The following MLLT3 variants were observed in gnomAD, a reference collection of about 807,000 sequenced individuals.
The protein encoded by MLLT3 is protein AF-9.
MLLT3 carries 4 observed loss-of-function variants against 53.2 expected under a neutral mutation model. The observed-to-expected ratio is 0.08, with a 90% CI of 0.04 to 0.17. The LOEUF is 0.17. Ranked by LOEUF, MLLT3 falls within the 10% of genes least tolerant of loss-of-function variation. MLLT3 has a pLI of 1.00. For synonymous variants in MLLT3, 283 were observed against 230.6 expected, an observed-to-expected ratio of 1.23 and a Z score of -2.06; for missense variants, 569 against 684.0, an observed-to-expected ratio of 0.83 and a Z score of 1.87.
At chr9:20,515,982 T>C (rs939605905) in intron 2 of MLLT3, among the ~76,000 whole-genome samples, 3 of 152,236 alleles carry the variant, frequency 2.0e-5, no homozygotes, top group Non-Finnish European at 4.4e-5. Context: ...TTACTAGACA[T>C]GTTATATTGT....
intron 5 of MLLT3, among the ~76,000 whole-genome samples, chr9:20,369,361 A>G (rs1821535980): frequency 6.6e-6 from 1 of 152,210 alleles, no homozygotes; most frequent in Admixed American, 6.5e-5. Flanking sequence ...CCTTAAACAC[A>G]CACACAAAAA....
chr9:20,487,974 A>G (rs897544517), intron 2 of MLLT3, among the ~76,000 whole-genome samples: 1 of 152,118 alleles, frequency 6.6e-6, no homozygotes, highest in Admixed American at 6.6e-5. Flanking sequence ...TATATTCCAA[A>G]TGTTCAAATC....
At position 20,365,402 on chromosome 9, in the gene MLLT3, C is replaced by T. The variant is rs546923531; in HGVS notation, c.1201+267G>A. On this transcript the variant is annotated intron_variant, in intron 6 of 10. Transcript: ENST00000380338. ...TCACCCAGGCTGGAGTGCAGTGGCG[C>T]GATCTCAGCTCACTGCAACTTCCGC... Among the ~76,000 whole-genome samples the T allele has an allele frequency of 1.4e-3, 212 of 152,164 alleles. 1 individual carries two copies. The highest frequency in any genetic ancestry group is 4.6e-3 in the African/African-American group (191 of 41,516).
intron 2 of MLLT3, among the ~76,000 whole-genome samples, chr9:20,594,762 T>C (rs1216935683): frequency 6.6e-6 from 1 of 152,200 alleles, no homozygotes; most frequent in Non-Finnish European, 1.5e-5. Context: ...ATGCTAATTA[T>C]AACGCATTAG....
At chr9:20,582,681 T>G (rs1222311976) in intron 2 of MLLT3, among the ~76,000 whole-genome samples, 2 of 152,118 alleles carry the variant, frequency 1.3e-5, no homozygotes, top group Non-Finnish European at 2.9e-5. Context: ...ACTTCTTACA[T>G]GGCAGCAGCA....
chr9:20,565,451 G>A (rs1409751771), intron 2 of MLLT3, among the ~76,000 whole-genome samples: 1 of 151,956 alleles, frequency 6.6e-6, no homozygotes. Context: ...TGGACCCAAG[G>A]ACCTAATTGT....
chr9:20,501,262 CCA>C (rs1825217726), intron 2 of MLLT3, among the ~76,000 whole-genome samples: 3 of 152,136 alleles, frequency 2.0e-5, no homozygotes, highest in African/African-American at 7.2e-5. Flanking sequence ...AAAATAAATT[CCA>C]CACAATAAAT....
intron 4 of MLLT3, among the ~76,000 whole-genome samples, chr9:20,422,941 T>G (rs1823050398): frequency 6.6e-6 from 1 of 152,168 alleles, no homozygotes; most frequent in Admixed American, 6.5e-5. Context: ...CTCAACAATC[T>G]TGTGAAATAG....
chr9:20,372,554 A>ATTT (rs34889625), intron 5 of MLLT3, among the ~76,000 whole-genome samples: 4 of 82,222 alleles, frequency 4.9e-5, no homozygotes, highest in Admixed American at 1.6e-4. Context: ...CGCCCGGCTA[A>ATTT]TTTTTTTTTT....
intron 2 of MLLT3, among the ~76,000 whole-genome samples, chr9:20,501,119 A>C (rs923193230): frequency 3.8e-4 from 58 of 152,344 alleles, no homozygotes; most frequent in African/African-American, 1.3e-3. Flanking sequence ...TCACTAGTTA[A>C]AATGCCTAGG....
chr9:20,369,836 A>G (rs541671519), intron 5 of MLLT3, among the ~76,000 whole-genome samples: 1 of 152,250 alleles, frequency 6.6e-6, no homozygotes, highest in South Asian at 2.1e-4. Context: ...ATTGCAAGAT[A>G]TAATAATCTC....
intron 5 of MLLT3, among the ~76,000 whole-genome samples, chr9:20,373,866 T>C (rs1017352217): frequency 5.3e-5 from 8 of 152,126 alleles, no homozygotes; most frequent in African/African-American, 1.9e-4. Flanking sequence ...GGACACTTTA[T>C]TTACTTCTCT....
chr9:20,438,124 A>C (rs1033521982), intron 4 of MLLT3, among the ~76,000 whole-genome samples: 1 of 152,252 alleles, frequency 6.6e-6, no homozygotes, highest in Non-Finnish European at 1.5e-5. Flanking sequence ...CTTTGAAAGA[A>C]CATGACTATT....
At chr9:20,615,645 G>C (rs1352208453) in intron 2 of MLLT3, among the ~76,000 whole-genome samples, 1 of 151,636 alleles carries the variant, frequency 6.6e-6, no homozygotes, top group East Asian at 1.9e-4. Flanking sequence ...AGCAGTTCTC[G>C]GAGTGTAGAG....
chr9:20,388,115 T>A (rs1822086642), intron 5 of MLLT3, among the ~76,000 whole-genome samples: 1 of 152,222 alleles, frequency 6.6e-6, no homozygotes, highest in Admixed American at 6.5e-5. Context: ...CCAAATTGAT[T>A]CTTGCATAGA....
rs778325418 is a variant in MLLT3, at chr9:20,622,226, T to C, written c.12+19A>G. 2.4e-5 allele frequency: 38 copies of C among 1,602,178 alleles called. No individual in the cohort carries two copies. The highest frequency in any genetic ancestry group is 3.1e-5 in the Non-Finnish European group (36 of 1,173,418). ...GAAAGTGGGGGAGGGCTTTTATTATTATTTTTGCGCGTACTTACCGAGCTA... is the reference window on the plus strand; with the variant it reads ...GAAAGTGGGGGAGGGCTTTTATTATCATTTTTGCGCGTACTTACCGAGCTA... On this transcript the variant is annotated intron_variant, in intron 1 of 10. Coordinates refer to ENST00000380338, the MANE Select transcript of MLLT3 (RefSeq NM_004529.4).
At chr9:20,610,632 G>A (rs527773276) in intron 2 of MLLT3, among the ~76,000 whole-genome samples, 1 of 152,254 alleles carries the variant, frequency 6.6e-6, no homozygotes, top group East Asian at 1.9e-4. Context: ...CATTGATGGA[G>A]CTATAAGTAG....
chr9:20,436,386 A>G (rs960559939), intron 4 of MLLT3, among the ~76,000 whole-genome samples: 4 of 152,170 alleles, frequency 2.6e-5, no homozygotes, highest in Non-Finnish European at 5.9e-5. Flanking sequence ...TTGTATTTTC[A>G]GAAGCAAGAG....
rs750685801 is a variant in MLLT3 at position 20,389,181 on chromosome 9, C to T, written c.1126-23437G>A. Among the ~76,000 whole-genome samples the T allele has an allele frequency of 4.3e-4, 66 of 152,282 alleles. No homozygotes were observed. In the Middle Eastern group the frequency reaches 0.02, roughly 47 times the overall value. On this transcript the variant is annotated intron_variant, in intron 5 of 10. Transcript: ENST00000380338. ...TCCACACAATGGAATATTACTCAGACATAAAAACTAATGAAGTTCTGGTAC... is the reference window on the plus strand; with the variant it reads ...TCCACACAATGGAATATTACTCAGATATAAAAACTAATGAAGTTCTGGTAC...
Sources: gnomAD v4.1 joint callset for allele counts (sites outside exome capture counted in the v4.1 genomes callset) on GRCh38, gnomAD v4.1.1 for gene constraint, MANE v1.5 for transcripts, NCBI Gene and HGNC (gene_info 2026-07-23, HGNC 2026-07-21) for gene names.